Variants in LRRFIP1 observed in about 807,000 individuals in gnomAD.
The protein encoded by LRRFIP1 is LRR binding FLII interacting protein 1.
LRRFIP1 carries 62 observed loss-of-function variants against 104.4 expected under a neutral mutation model. That is an observed-to-expected ratio of 0.59 (90% CI 0.48 to 0.73). The LOEUF is 0.73. Among genes scored for constraint, LRRFIP1 ranks in the 30% least tolerant of loss-of-function variants. The probability of loss-of-function intolerance (pLI) is 0.00; values close to 1 mark genes in which losing one functional copy is unlikely to be tolerated. For synonymous variants in LRRFIP1, 300 were observed against 299.0 expected, an observed-to-expected ratio of 1.00 and a Z score of -0.03; for missense variants, 796 against 824.5, an observed-to-expected ratio of 0.97 and a Z score of 0.42.
chr2:237,713,978 A>G (rs547601205), intron 2 of LRRFIP1, among the ~76,000 whole-genome samples: 1 of 152,364 alleles, frequency 6.6e-6, no homozygotes, highest in African/African-American at 2.4e-5. Flanking sequence ...ATTGATGGCA[A>G]TAGGTTATAC....
At chr2:237,719,597 C>T (rs1443624832) in intron 5 of LRRFIP1, 30 bp downstream of exon 5, 3 of 1,572,436 alleles carry the variant, frequency 1.9e-6, no homozygotes, top group African/African-American at 2.7e-5. Context: ...ATTACTTGGG[C>T]AATTTGATTG....
At chr2:237,641,545 A>G (rs1329917863) in intron 1 of LRRFIP1, among the ~76,000 whole-genome samples, 2 of 151,676 alleles carry the variant, frequency 1.3e-5, no homozygotes, top group Admixed American at 1.3e-4. Flanking sequence ...AGACTTAGTC[A>G]ATCTTTTCTC....
At chr2:237,634,475 C>A (rs898446653) in intron 1 of LRRFIP1, among the ~76,000 whole-genome samples, 1 of 152,190 alleles carries the variant, frequency 6.6e-6, no homozygotes, top group African/African-American at 2.4e-5. Context: ...TCCCTTATAC[C>A]ATGACTTAGG....
At chr2:237,667,519 G>T (rs1230142288) in intron 1 of LRRFIP1, among the ~76,000 whole-genome samples, 1 of 152,134 alleles carries the variant, frequency 6.6e-6, no homozygotes, top group East Asian at 1.9e-4. Flanking sequence ...GTAAACATAC[G>T]TGTGCACATG....
intron 1 of LRRFIP1, among the ~76,000 whole-genome samples, chr2:237,707,183 T>G (rs1053245151): frequency 1.3e-5 from 2 of 151,872 alleles, no homozygotes; most frequent in African/African-American, 2.4e-5. Flanking sequence ...ATTTGTAATA[T>G]AGTGTAAGTC....
intron 1 of LRRFIP1, among the ~76,000 whole-genome samples, chr2:237,671,052 G>A (rs1270529693): frequency 1.3e-5 from 2 of 152,214 alleles, no homozygotes; most frequent in East Asian, 1.9e-4. Context: ...TTCATCTGAA[G>A]AGCGCTATGT....
At chr2:237,688,442 T>G (rs1412644335) in intron 1 of LRRFIP1, among the ~76,000 whole-genome samples, 1 of 22,616 alleles carries the variant, frequency 4.4e-5, no homozygotes, top group African/African-American at 4.0e-4. Flanking sequence ...ATGGACCCCC[T>G]TTTTTTTTTT....
chr2:237,654,006 G>A (rs957143422), intron 1 of LRRFIP1, among the ~76,000 whole-genome samples: 2 of 152,058 alleles, frequency 1.3e-5, no homozygotes, highest in African/African-American at 2.4e-5. Context: ...ACAGACAAAC[G>A]GGATTGCACT....
At chr2:237,679,067 G>A (rs116323341) in intron 1 of LRRFIP1, among the ~76,000 whole-genome samples, 2,462 of 152,302 alleles carry the variant, frequency 0.016, 60 homozygotes, top group African/African-American at 0.056. Flanking sequence ...TGTCACCACA[G>A]TAGACAATTG....
chr2:237,675,286 G>C (rs2090987775), intron 1 of LRRFIP1, among the ~76,000 whole-genome samples: 1 of 152,208 alleles, frequency 6.6e-6, no homozygotes, highest in Non-Finnish European at 1.5e-5. Context: ...GGGGCTGCCT[G>C]TATTGCTTCT....
chr2:237,750,406 G>A (rs1208539040), intron 13 of LRRFIP1, among the ~76,000 whole-genome samples: 2 of 137,318 alleles, frequency 1.5e-5, no homozygotes, highest in Admixed American at 1.6e-4. Context: ...GCACGATCTC[G>A]GCTCACTGCA....
At chr2:237,687,796 G>A (rs553081865) in intron 1 of LRRFIP1, among the ~76,000 whole-genome samples, 2 of 152,150 alleles carry the variant, frequency 1.3e-5, no homozygotes, top group African/African-American at 2.4e-5. Flanking sequence ...TGACTAATGG[G>A]GAGGCTGAGA....
At chr2:237,648,197 C>G (rs1157466851) in intron 1 of LRRFIP1, among the ~76,000 whole-genome samples, 1 of 151,748 alleles carries the variant, frequency 6.6e-6, no homozygotes, top group Admixed American at 6.6e-5. Flanking sequence ...GTGGACCCGG[C>G]AGCCCTGAGC....
intron 1 of LRRFIP1, among the ~76,000 whole-genome samples, chr2:237,658,807 T>C (rs1218890149): frequency 6.6e-6 from 1 of 152,164 alleles, no homozygotes; most frequent in Non-Finnish European, 1.5e-5. Context: ...CCACCTGGTC[T>C]CTCCTTTGAC....
chr2:237,693,966 C>T (rs528371809), intron 1 of LRRFIP1, among the ~76,000 whole-genome samples: 36 of 152,302 alleles, frequency 2.4e-4, no homozygotes, highest in African/African-American at 8.7e-4. Flanking sequence ...TGGACTGTGT[C>T]CAACTGAGTA....
chr2:237,744,448 C>T (rs2057535264), intron 11 of LRRFIP1, among the ~76,000 whole-genome samples: 1 of 152,148 alleles, frequency 6.6e-6, no homozygotes, highest in Non-Finnish European at 1.5e-5. Flanking sequence ...AGGAAAATGG[C>T]AGGCAGCTGG....
chr2:237,751,320 TA>T (rs3835808), intron 14 of LRRFIP1, 49 bp downstream of exon 14: 16,994 of 1,090,936 alleles, frequency 0.016, 2 homozygotes, highest in South Asian at 0.02. Context: ...CAACTTAACT[TA>T]AAAAAAAAAA....
intron 1 of LRRFIP1, among the ~76,000 whole-genome samples, chr2:237,656,070 G>A (rs548917139): frequency 6.6e-6 from 1 of 152,148 alleles, no homozygotes; most frequent in African/African-American, 2.4e-5. Context: ...TATAATTGGG[G>A]AATAAAAGGT....
chr2:237,649,258 G>A lies in LRRFIP1; in HGVS notation c.96+21518G>A, dbSNP rs28612698. Among the ~76,000 whole-genome samples, 899 of 151,024 alleles carry A rather than the reference G, an allele frequency of 6.0e-3. 15 individuals are homozygous for A. Among genetic ancestry groups the A allele is most frequent in the African/African-American group, 0.021 (862 of 41,378 alleles). Reference sequence around the variant, plus strand: ...GCTACGAACACTGTAGGCCGGGCGCGATGGCTCACACCTGTAATCCCAGCA... The same window carrying A: ...GCTACGAACACTGTAGGCCGGGCGCAATGGCTCACACCTGTAATCCCAGCA... On this transcript the variant is annotated intron_variant, in intron 1 of 23. Transcript: ENST00000308482. The surrounding 1 kb of genome is among the most constrained non-coding windows in gnomAD (Gnocchi z 4.1).
Sources: gnomAD v4.1 joint callset for allele counts (sites outside exome capture counted in the v4.1 genomes callset) on GRCh38, gnomAD v4.1.1 for gene constraint, Gnocchi (gnomAD v3.1) non-coding constraint, MANE v1.5 for transcripts, NCBI Gene and HGNC (gene_info 2026-07-23, HGNC 2026-07-21) for gene names.